The following GRB14 variants were observed in gnomAD, a reference collection of about 807,000 sequenced individuals.
GRB14 encodes the protein growth factor receptor-bound protein 14.
In GRB14, 38 loss-of-function variants were observed where a neutral mutation model predicts 69.1. The observed-to-expected ratio is 0.55, with a 90% CI of 0.42 to 0.72. The LOEUF (loss-of-function observed/expected upper bound fraction) is 0.72. Ranked by LOEUF, GRB14 falls within the 30% of genes least tolerant of loss-of-function variation. The pLI, the probability that GRB14 is intolerant of heterozygous loss-of-function variation, is 0.00. For missense variants in GRB14, 666 were observed against 666.1 expected (o/e 1.00, Z 0.00); for synonymous variants, 247 against 241.3 (o/e 1.02, Z -0.22).
At position 164,601,339 on chromosome 2, in the gene GRB14, A is replaced by G. The variant is rs1689908302; in HGVS notation, c.324+18348T>C. ...GCAGTATACCGATACCATAAGAAAA[A>G]CACTATGGAGGTAGAGGGAGATCAG... On this transcript the variant is annotated intron_variant, in intron 2 of 13. Transcript: ENST00000263915. 2.0e-5 allele frequency among the ~76,000 whole-genome samples: 3 copies of G among 152,174 alleles called. No homozygotes were observed. The South Asian group carries it at 6.2e-4, about 31-fold the overall frequency.
intron 2 of GRB14, among the ~76,000 whole-genome samples, chr2:164,571,081 G>C (rs1689112671): frequency 1.3e-5 from 2 of 152,198 alleles, no homozygotes; most frequent in African/African-American, 4.8e-5. Flanking sequence ...CTTAAGACAG[G>C]TGGAATCTCA....
chr2:164,495,482 C>T (rs1686868233), intron 12 of GRB14, among the ~76,000 whole-genome samples: 1 of 152,092 alleles, frequency 6.6e-6, no homozygotes, highest in South Asian at 2.1e-4. Flanking sequence ...GCTAGAAAAA[C>T]AAGACATGGC....
At chr2:164,567,106 A>C (rs1688995059) in intron 2 of GRB14, among the ~76,000 whole-genome samples, 2 of 152,278 alleles carry the variant, frequency 1.3e-5, no homozygotes, top group African/African-American at 4.8e-5. Flanking sequence ...CTATATTGTC[A>C]TTATTAATGC....
At chr2:164,579,197 A>G (rs1392435661) in intron 2 of GRB14, among the ~76,000 whole-genome samples, 1 of 152,208 alleles carries the variant, frequency 6.6e-6, no homozygotes, top group Non-Finnish European at 1.5e-5. Context: ...GATTTAAACC[A>G]GTTTCACCAT....
intron 8 of GRB14, among the ~76,000 whole-genome samples, chr2:164,508,118 T>C (rs920901170): frequency 3.3e-5 from 5 of 152,350 alleles, no homozygotes; most frequent in East Asian, 1.9e-4. Flanking sequence ...TTACCTTGGA[T>C]TGTTGGCAAC....
intron 1 of GRB14, 138 bp from the exon 2 acceptor site, chr2:164,619,957 G>C (rs1402275291): frequency 1.6e-6 from 1 of 643,654 alleles, no homozygotes; most frequent in Non-Finnish European, 2.7e-6. Flanking sequence ...ATATAGAAAA[G>C]GTCTGTGATG....
intron 3 of GRB14, among the ~76,000 whole-genome samples, chr2:164,533,134 G>C (rs1687990047): frequency 1.3e-5 from 2 of 151,732 alleles, no homozygotes; most frequent in Admixed American, 6.6e-5. Flanking sequence ...CGCCTCTGCT[G>C]GATCTATTTA....
At chr2:164,494,389 G>A in intron 13 of GRB14, 42 bp downstream of exon 13, 2 of 1,038,008 alleles carry the variant, frequency 1.9e-6, no homozygotes, top group Non-Finnish European at 1.5e-6. Flanking sequence ...TATGCATTAA[G>A]GTCATTTCTA....
rs150879084 is a variant in GRB14, at chr2:164,611,305, G to A, written c.324+8382C>T. On this transcript the variant is annotated intron_variant, in intron 2 of 13. Transcript: ENST00000263915. ...CCAAGATAAGCTAACACAGAAGAAAGGAGGCCATTTATGGGGCTCCTGTAG... is the reference window on the plus strand; with the variant it reads ...CCAAGATAAGCTAACACAGAAGAAAAGAGGCCATTTATGGGGCTCCTGTAG... Among the ~76,000 whole-genome samples, 45 of 152,222 alleles carry A rather than the reference G, an allele frequency of 3.0e-4. No individual in the cohort carries two copies. The East Asian group carries it at 6.0e-3, about 20-fold the overall frequency.
rs1183730114 is a variant in GRB14, at chr2:164,493,173, C to T, written c.1486G>A (p.Asp496Asn). 6.2e-7 allele frequency: 1 copy of T among 1,612,016 alleles called. No homozygotes were observed. Among genetic ancestry groups the T allele is most frequent in the East Asian group, 2.2e-5 (1 of 44,740 alleles). ...TCCAGTGTGTGGAACATTTCACCGT[C>T]ATCTTCTACCTGCAAAAAGAAAAGC... Reference protein sequence around the residue: ...KHFQIIPVEDDGEMFHTLDDG... With the variant: ...KHFQIIPVEDNGEMFHTLDDG... Residue 496 changes from aspartate to asparagine, a missense_variant, in exon 14 of 14, where the codon GAC (aspartate) becomes AAC (asparagine). Asp to Asn is a conservative substitution (Grantham distance 23). Transcript: ENST00000263915.
intron 2 of GRB14, among the ~76,000 whole-genome samples, chr2:164,587,612 C>T (rs1361431992): frequency 6.6e-6 from 1 of 152,064 alleles, no homozygotes; most frequent in East Asian, 1.9e-4. Context: ...AATAATATTA[C>T]TGCCAATAAG....
intron 2 of GRB14, among the ~76,000 whole-genome samples, chr2:164,598,192 G>A (rs59355751): frequency 0.017 from 2,555 of 152,190 alleles, 68 homozygotes; most frequent in African/African-American, 0.058. Flanking sequence ...TAAAGGGAAG[G>A]GTTGGACTGA....
chr2:164,560,663 C>T (rs1400620977), intron 2 of GRB14, among the ~76,000 whole-genome samples: 4 of 151,986 alleles, frequency 2.6e-5, no homozygotes, highest in South Asian at 2.1e-4. Flanking sequence ...TTGGAGTTTT[C>T]GCTGGGATTT....
chr2:164,499,498 A>G (rs1686995292), intron 9 of GRB14, among the ~76,000 whole-genome samples: 1 of 152,170 alleles, frequency 6.6e-6, no homozygotes, highest in Non-Finnish European at 1.5e-5. Flanking sequence ...TTTCAGATCA[A>G]TTTCTTTCAC....
intron 2 of GRB14, among the ~76,000 whole-genome samples, chr2:164,608,815 T>C (rs770443482): frequency 2.0e-5 from 3 of 152,192 alleles, no homozygotes; most frequent in Non-Finnish European, 2.9e-5. Flanking sequence ...TTTTCAGGAA[T>C]GCAAACGGTA....
intron 3 of GRB14, among the ~76,000 whole-genome samples, chr2:164,535,627 A>G (rs1688060638): frequency 6.6e-6 from 1 of 152,250 alleles, no homozygotes; most frequent in South Asian, 2.1e-4. Context: ...TAGAAACTAC[A>G]TACATTTTGT....
At chr2:164,529,197 C>T (rs1478794210) in intron 3 of GRB14, among the ~76,000 whole-genome samples, 1 of 152,026 alleles carries the variant, frequency 6.6e-6, no homozygotes, top group Non-Finnish European at 1.5e-5. Context: ...ATACAAGGTA[C>T]CTAGAATAGT....
Position 164,584,147 on chromosome 2 carries a change from A to ATT in GRB14, c.324+35538_324+35539dup, listed in dbSNP as rs55883951. On this transcript the variant is annotated intron_variant, in intron 2 of 13. Transcript: ENST00000263915. ...ATAGGCATCCACCACCAGCCTGGCTATTTTTTTTTTTTTTTTTTTTTTTTT... is the reference window on the plus strand; with the variant it reads ...ATAGGCATCCACCACCAGCCTGGCTATTTTTTTTTTTTTTTTTTTTTTTTTTT... Among the ~76,000 whole-genome samples the ATT allele has an allele frequency of 9.6e-4, 48 of 49,904 alleles. 1 individual carries two copies. The highest frequency in any genetic ancestry group is 0.021 in the Middle Eastern group (1 of 48). The allele number at this position is 49,904 out of a possible 152,430, so 32.7% of individuals were successfully genotyped here.
chr2:164,492,897 T>A lies in GRB14; in HGVS notation c.*139A>T. On this transcript the variant is annotated 3_prime_UTR_variant, in exon 14 of 14. Coordinates refer to ENST00000263915, the MANE Select transcript of GRB14 (RefSeq NM_004490.3). Reference sequence around the variant, plus strand: ...AATCCAAGTCTTTGCTTATTTGCAATGCACAAACTATTTTTTTGTAACTTG... The same window carrying A: ...AATCCAAGTCTTTGCTTATTTGCAAAGCACAAACTATTTTTTTGTAACTTG... The A allele has an allele frequency of 4.5e-6, 3 of 666,442 alleles. No individual in the cohort carries two copies. The highest frequency in any genetic ancestry group is 7.2e-6 in the Non-Finnish European group (3 of 417,432). The allele number at this position is 666,442 out of a possible 1,614,324, so 41.3% of individuals were successfully genotyped here. A position where few individuals can be genotyped will look rare whatever the true frequency, so the allele number is the denominator to read the frequency against.
Sources: allele counts gnomAD v4.1 joint callset (sites outside exome capture counted in the v4.1 genomes callset), GRCh38; gene constraint gnomAD v4.1.1; transcripts MANE v1.5; gene names NCBI Gene and HGNC (gene_info 2026-07-23, HGNC 2026-07-21).